SLC2A4RG: variants seen among roughly 807,000 people sequenced by gnomAD.
The protein encoded by SLC2A4RG is GLUT4 enhancer factor.
A neutral mutation model predicts 35.5 loss-of-function variants in SLC2A4RG; 23 were observed. That is an observed-to-expected ratio of 0.65 (90% CI 0.47 to 0.92). SLC2A4RG has a LOEUF of 0.92. Ranked by LOEUF, SLC2A4RG falls within the 40% of genes least tolerant of loss-of-function variation. The pLI, the probability that SLC2A4RG is intolerant of heterozygous loss-of-function variation, is 0.00. For synonymous variants in SLC2A4RG, 306 were observed against 243.7 expected (o/e 1.26, Z -2.38); for missense variants, 539 against 525.0 (o/e 1.03, Z -0.26).
intron 1 of SLC2A4RG, 146 bp from the exon 2 acceptor site, chr20:63,740,231 G>T: frequency 2.1e-6 from 1 of 478,508 alleles, no homozygotes; most frequent in South Asian, 9.3e-5. Flanking sequence ...GCCGGGCTGG[G>T]GGCGGGGCCG....
chr20:63,740,734 G>C (rs985732447), intron 2 of SLC2A4RG, among the ~76,000 whole-genome samples: 1 of 152,228 alleles, frequency 6.6e-6, no homozygotes, highest in Non-Finnish European at 1.5e-5. Flanking sequence ...GCAGTTCCTC[G>C]GGGCTAGAGC....
intron 2 of SLC2A4RG, 160 bp from the exon 3 acceptor site, chr20:63,741,210 C>T: frequency 1.5e-6 from 1 of 664,484 alleles, no homozygotes; most frequent in South Asian, 1.9e-5. Flanking sequence ...GCTTTCAGCT[C>T]TCTCTGCAAC....
Position 63,743,695 on chromosome 20 carries a change from G to T in SLC2A4RG, c.*705G>T, listed in dbSNP as rs1027838320. On this transcript the variant is annotated 3_prime_UTR_variant, in exon 8 of 8. Coordinates refer to ENST00000266077, the MANE Select transcript of SLC2A4RG (RefSeq NM_020062.4). ...TGGAGCAGCAATTTCCCAATTTATT[G>T]AAAGTGATCGCTTTGCAAGGATGTC... 1 of 152,384 alleles carries T rather than the reference G, an allele frequency of 6.6e-6. No individual in the cohort carries two copies. Among genetic ancestry groups the T allele is most frequent in the Non-Finnish European group, 1.5e-5 (1 of 68,050 alleles). 9.4% of individuals were successfully genotyped at this position (152,384 alleles called of 1,614,324 possible). A position where few individuals can be genotyped will look rare whatever the true frequency, so the allele number is the denominator to read the frequency against.
chr20:63,740,227 C>T (rs2092034801), intron 1 of SLC2A4RG, 150 bp from the exon 2 acceptor site: 1 of 459,294 alleles, frequency 2.2e-6, no homozygotes, highest in South Asian at 9.6e-5. Flanking sequence ...CCGCGCCGGG[C>T]TGGGGGCGGG....
Position 63,742,632 on chromosome 20 carries a change from G to T in SLC2A4RG, c.960+17G>T. The T allele has an allele frequency of 6.3e-7, 1 of 1,576,874 alleles. No homozygotes were observed. On this transcript the variant is annotated intron_variant, in intron 6 of 7. Transcript: ENST00000266077. ...GTCTACCAGGTGGGTGAGGCCACGG[G>T]TGGCAGCTGGGGCGGGTCTCAGGGC...
chr20:63,741,356 C>T lies in SLC2A4RG; in HGVS notation c.282-14C>T, dbSNP rs748889392. Reference sequence around the variant, plus strand: ...CTGGCTGGGTCACCCGCACCCCGCCCCCATCTCCTCCAGAGCCACCCCAGG... The same window carrying T: ...CTGGCTGGGTCACCCGCACCCCGCCTCCATCTCCTCCAGAGCCACCCCAGG... On this transcript the variant is annotated splice_polypyrimidine_tract_variant and intron_variant, in intron 2 of 7. Transcript: ENST00000266077. 3 of 1,611,202 alleles carry T rather than the reference C, an allele frequency of 1.9e-6. No individual in the cohort carries two copies. The highest frequency in any genetic ancestry group is 1.1e-5 in the South Asian group (1 of 91,030).
In SLC2A4RG at chr20:63,743,029, C is replaced by A; in HGVS notation, c.*39C>A. The A allele has an allele frequency of 1.3e-6, 2 of 1,519,614 alleles. No individual in the cohort carries two copies. Among genetic ancestry groups the A allele is most frequent in the South Asian group, 2.4e-5 (2 of 82,830 alleles). The allele number at this position is 1,519,614 out of a possible 1,614,324, so 94.1% of individuals were successfully genotyped here. On this transcript the variant is annotated 3_prime_UTR_variant, in exon 8 of 8. Coordinates refer to ENST00000266077, the MANE Select transcript of SLC2A4RG (RefSeq NM_020062.4). Reference sequence around the variant, plus strand: ...AAGAACATAAGCTACCACCTTCTCCCTCCCCACCCCCTCCAGGCCCGGGGC... The same window carrying A: ...AAGAACATAAGCTACCACCTTCTCCATCCCCACCCCCTCCAGGCCCGGGGC...
In SLC2A4RG at chr20:63,742,151, C is replaced by A; in HGVS notation, c.601C>A (p.Gln201Lys). 6.2e-7 allele frequency: 1 copy of A among 1,605,232 alleles called. No individual in the cohort carries two copies. Among genetic ancestry groups the A allele is most frequent in the East Asian group, 2.3e-5 (1 of 44,250 alleles). ...GCAGAGCCCGGCCCAGGTCATGTTCCAGTGTCTGTGGAAGAGCTGCGGGAA... is the reference window on the plus strand; with the variant it reads ...GCAGAGCCCGGCCCAGGTCATGTTCAAGTGTCTGTGGAAGAGCTGCGGGAA... ...KRKSPAQVMF[Q>K]CLWKSCGKVL... Residue 201 changes from glutamine (Q) to lysine (K), a missense_variant, in exon 5 of 8, where the codon CAG becomes AAG. Transcript: ENST00000266077.
intron 5 of SLC2A4RG, 50 bp downstream of exon 5, chr20:63,742,280 T>A: frequency 6.3e-7 from 1 of 1,596,830 alleles, no homozygotes; most frequent in South Asian, 1.1e-5. Context: ...GCTGGGGTTG[T>A]GAGGCCCGGC....
At chr20:63,741,224 A>G in intron 2 of SLC2A4RG, 146 bp from the exon 3 acceptor site, 1 of 718,450 alleles carries the variant, frequency 1.4e-6, no homozygotes. Context: ...CTGCAACCTG[A>G]GCTGGGGGAG....
Position 63,742,585 on chromosome 20 carries a change from C to G in SLC2A4RG, c.930C>G (p.Pro310=), listed in dbSNP as rs769094317. ...PPPVLSTVAN[P]QSCHSDRVYQ... is the part of the protein sequence containing the mutation. ...CTGTCCTGAGCACCGTTGCTAACCC[C>G]CAGTCCTGTCACAGTGACCGTGTCT... The change falls in exon 6 of 8, where the codon CCC becomes CCG. Residue 310 remains proline, a synonymous_variant. Transcript: ENST00000266077. 9 of 1,578,900 alleles carry G rather than the reference C, an allele frequency of 5.7e-6. No individual in the cohort carries two copies. The African/African-American group carries it at 1.2e-4, about 21-fold the overall frequency.
intron 1 of SLC2A4RG, 163 bp downstream of exon 1, chr20:63,740,201 C>G: frequency 2.6e-6 from 1 of 382,274 alleles, no homozygotes; most frequent in South Asian, 1.1e-4. Flanking sequence ...GCCGGGCGGC[C>G]GGGGAGCCCT....
chr20:63,741,515 G>T, intron 3 of SLC2A4RG, 36 bp downstream of exon 3: 1 of 1,579,854 alleles, frequency 6.3e-7, no homozygotes. Flanking sequence ...GGGTGTGGGT[G>T]GGGACAGGGC....
Position 63,742,574 on chromosome 20 carries a change from GTTGCTAAC to G in SLC2A4RG, c.920_927del (p.Val307AlafsTer7). 6.3e-7 allele frequency: 1 copy of G among 1,577,496 alleles called. No homozygotes were observed. Among genetic ancestry groups the G allele is most frequent in the South Asian group, 1.2e-5 (1 of 86,428 alleles). On this transcript the variant is annotated frameshift_variant, in exon 6 of 8. Transcript: ENST00000266077. LOFTEE classifies it high-confidence loss of function. Reference sequence around the variant, plus strand: ...GCCCCCGCCCCCTGTCCTGAGCACCGTTGCTAACCCCCAGTCCTGTCACAGTGACCGTG... The same window carrying G: ...GCCCCCGCCCCCTGTCCTGAGCACCGCCCCAGTCCTGTCACAGTGACCGTG...
rs201632478 is a variant in SLC2A4RG at position 63,741,461 on chromosome 20, G to A, written c.373G>A (p.Val125Ile). Residue 125 changes from valine (V) to isoleucine (I), a missense_variant, in exon 3 of 8, where the codon GTT (valine) becomes ATT (isoleucine). Physicochemically the swap from Val to Ile is conservative, Grantham distance 29. Coordinates refer to ENST00000266077, the MANE Select transcript of SLC2A4RG (RefSeq NM_020062.4). ...CAGCCCTCTCCTTCTGGGGGCCCCG[G>A]TTGCAGCCTTCAGCCCAGGTAAGAC... ...STSPLLLGAP[V>I]AAFSPEPGLE... is the part of the protein sequence containing the mutation. The A allele has an allele frequency of 1.5e-4, 250 of 1,613,374 alleles. No homozygotes were observed. The Admixed American group carries it at 4.1e-3, about 26-fold the overall frequency.
Position 63,742,246 on chromosome 20 carries a change from G to A in SLC2A4RG, c.680+16G>A. The A allele has an allele frequency of 6.3e-7, 1 of 1,583,084 alleles. No homozygotes were observed. Among genetic ancestry groups the A allele is most frequent in the Non-Finnish European group, 8.6e-7 (1 of 1,163,708 alleles). ...TGCACCTGGGGTGCGGCGGGGCCTG[G>A]GGTGCGGCGGGGCCTGCGGGTTGGC... On this transcript the variant is annotated intron_variant, in intron 5 of 7. Transcript: ENST00000266077.
Position 63,743,130 on chromosome 20 carries a change from C to CGGG in SLC2A4RG, c.*142_*144dup. The stretch of plus-strand genomic sequence containing the variant: ...TCTGCTTTTACTTGGGGTGGGGGGG[C>CGGG]GGGGCTGACCCTGAACCCTCCCCCC... On this transcript the variant is annotated 3_prime_UTR_variant, in exon 8 of 8. Transcript: ENST00000266077. The CGGG allele has an allele frequency of 1.1e-5, 1 of 94,514 alleles. No homozygotes were observed. The highest frequency in any genetic ancestry group is 1.7e-4 in the South Asian group (1 of 5,800). 5.9% of individuals were successfully genotyped at this position (94,514 alleles called of 1,614,324 possible).
At position 63,742,429 on chromosome 20, in the gene SLC2A4RG, C is replaced by T; in HGVS notation, c.774C>T (p.Ser258=). The T allele has an allele frequency of 1.2e-6, 2 of 1,607,814 alleles. No homozygotes were observed. The highest frequency in any genetic ancestry group is 1.7e-6 in the Non-Finnish European group (2 of 1,177,928). ...TGGACACGCTGACCGACGGGCTGTC[C>T]AGCCTGACTCCAGTGTCCCCCACGG... ...VGVDTLTDGL[S]SLTPVSPTAS... The change falls in exon 6 of 8, where the codon TCC becomes TCT. Residue 258 remains serine (S), a synonymous_variant. Coordinates refer to ENST00000266077, the MANE Select transcript of SLC2A4RG (RefSeq NM_020062.4).
Position 63,742,500 on chromosome 20 carries a change from T to C in SLC2A4RG, c.845T>C (p.Leu282Pro), listed in dbSNP as rs760172544. The C allele has an allele frequency of 1.5e-4, 228 of 1,570,302 alleles. No individual in the cohort carries two copies. The highest frequency in any genetic ancestry group is 1.8e-4 in the Non-Finnish European group (211 of 1,158,510). Reference sequence around the variant, plus strand: ...CCCCGCCTGGAGCTGCCAGAGCTGCTGGAGCCCCCAGCCCTGCCTAGTCCC... The same window carrying C: ...CCCCGCCTGGAGCTGCCAGAGCTGCCGGAGCCCCCAGCCCTGCCTAGTCCC... ...AFPRLELPEL[L>P]EPPALPSPLR... The change falls in exon 6 of 8, where the codon CTG (leucine) becomes CCG (proline). Residue 282 changes from leucine (L) to proline (P), a missense_variant. Transcript: ENST00000266077.
Sources: allele counts gnomAD v4.1 joint callset (sites outside exome capture counted in the v4.1 genomes callset), GRCh38; gene constraint gnomAD v4.1.1; transcripts MANE v1.5; gene names NCBI Gene and HGNC (gene_info 2026-07-23, HGNC 2026-07-21).